Variants in VEZT observed in about 807,000 individuals in gnomAD.
The protein encoded by VEZT is vezatin.
In VEZT, 39 loss-of-function variants were observed where a neutral mutation model predicts 79.9. The ratio of observed to expected loss-of-function variants is 0.49; its 90% CI spans 0.38 to 0.64. The LOEUF is 0.64. Among genes scored for constraint, VEZT ranks in the 30% least tolerant of loss-of-function variants. VEZT has a pLI of 0.00. For missense variants in VEZT, 837 were observed against 893.1 expected, an observed-to-expected ratio of 0.94 and a Z score of 0.80; for synonymous variants, 325 against 327.6, an observed-to-expected ratio of 0.99 and a Z score of 0.09.
chr12:95,251,093 C>G (rs2062530710), intron 1 of VEZT, among the ~76,000 whole-genome samples: 1 of 152,142 alleles, frequency 6.6e-6, no homozygotes, highest in Admixed American at 6.5e-5. Context: ...TCACTGCAAC[C>G]TTTGCCTCCT....
At chr12:95,252,345 AT>A (rs1264957841) in intron 2 of VEZT, 2 of 230,762 alleles carry the variant, frequency 8.7e-6, no homozygotes, top group Admixed American at 1.1e-4. Context: ...ATCGAAAAAA[AT>A]ATACTAAAAC....
chr12:95,271,116 CTAATGGATGAAGTTGTG>C (rs2138790325), intron 6 of VEZT, among the ~76,000 whole-genome samples: 1 of 152,304 alleles, frequency 6.6e-6, no homozygotes, highest in South Asian at 2.1e-4. Context: ...CATACAACTA[CTAATGGATGAAGTTGTG>C]TCTTGACTGT....
intron 1 of VEZT, 68 bp from the exon 2 acceptor site, chr12:95,251,872 A>C (rs898560084): frequency 4.7e-6 from 7 of 1,492,784 alleles, no homozygotes; most frequent in Non-Finnish European, 5.5e-6. Flanking sequence ...TCTGGTATTA[A>C]GTTTGGCCCC....
chr12:95,250,747 A>AT (rs3080327), intron 1 of VEZT, among the ~76,000 whole-genome samples: 63,566 of 142,774 alleles, frequency 0.45, 14,219 homozygotes, highest in Non-Finnish European at 0.49. Flanking sequence ...GGTTGGGGTG[A>AT]TTTTTTTTTT....
intron 2 of VEZT, among the ~76,000 whole-genome samples, chr12:95,254,267 A>G (rs1305804831): frequency 1.4e-5 from 2 of 146,390 alleles, no homozygotes; most frequent in African/African-American, 5.0e-5. Context: ...GTGAGCCACC[A>G]CACCCAGCCA....
chr12:95,245,145 A>T (rs193103233), intron 1 of VEZT, among the ~76,000 whole-genome samples: 17 of 152,304 alleles, frequency 1.1e-4, no homozygotes, highest in Admixed American at 1.1e-3. Context: ...GAAGCAGGAG[A>T]ATCACTTGAA....
At chr12:95,244,778 G>GTT (rs57362837) in intron 1 of VEZT, among the ~76,000 whole-genome samples, 16,320 of 140,842 alleles carry the variant, frequency 0.12, 1,287 homozygotes, top group African/African-American at 0.24. Context: ...TTTTTGGTGT[G>GTT]TTTTTTTTTT....
At chr12:95,287,505 G>T (rs1043654092) in intron 8 of VEZT, among the ~76,000 whole-genome samples, 159 bp from the exon 9 acceptor site, 1 of 152,066 alleles carries the variant, frequency 6.6e-6, no homozygotes, top group African/African-American at 2.4e-5. Context: ...GTTTCACCAT[G>T]TTGCCCAAGC....
chr12:95,300,542 T>C lies in VEZT; in HGVS notation c.2209T>C (p.Phe737Leu). Residue 737 changes from phenylalanine (F) to leucine (L), a missense_variant, in exon 12 of 12, where the codon TTC (phenylalanine) becomes CTC (leucine). Phe to Leu is a conservative substitution (Grantham distance 22). Coordinates refer to ENST00000436874, the MANE Select transcript of VEZT (RefSeq NM_017599.4). ...ARLQLSPDFT[F>L]TAGLAAEVAA... ...GCTACAGCTGTCACCAGATTTTACCTTCACTGCTGGCCTTGCTGCAGAAGT... is the reference window on the plus strand; with the variant it reads ...GCTACAGCTGTCACCAGATTTTACCCTCACTGCTGGCCTTGCTGCAGAAGT... 1 of 1,613,910 alleles carries C rather than the reference T, an allele frequency of 6.2e-7. No individual in the cohort carries two copies.
chr12:95,275,280 A>T (rs933292692), intron 7 of VEZT, among the ~76,000 whole-genome samples: 4 of 152,182 alleles, frequency 2.6e-5, no homozygotes, highest in Non-Finnish European at 5.9e-5. Context: ...ACATGAAAGG[A>T]TACATTTAGC....
chr12:95,244,001 A>G (rs1296216068), intron 1 of VEZT: 2 of 456,074 alleles, frequency 4.4e-6, no homozygotes, highest in South Asian at 3.1e-5. Flanking sequence ...CTGCAGAACT[A>G]TGAGCTAAGT....
chr12:95,230,595 AT>A (rs2059148170), intron 1 of VEZT, among the ~76,000 whole-genome samples: 1 of 126,322 alleles, frequency 7.9e-6, no homozygotes, highest in Non-Finnish European at 1.7e-5. Flanking sequence ...TTTTTTATTT[AT>A]TTTGGGATAA....
chr12:95,258,297 T>C (rs1045032820), intron 3 of VEZT: 1 of 455,638 alleles, frequency 2.2e-6, no homozygotes, highest in East Asian at 6.9e-5. Flanking sequence ...GGTATATGGA[T>C]CCATATACAT....
intron 1 of VEZT, among the ~76,000 whole-genome samples, chr12:95,231,193 A>T (rs2059228633): frequency 6.6e-6 from 1 of 152,196 alleles, no homozygotes; most frequent in Non-Finnish European, 1.5e-5. Flanking sequence ...TATGTGTCTT[A>T]CTTTTTCTTG....
At chr12:95,297,805 G>A (rs2074475761) in intron 11 of VEZT, among the ~76,000 whole-genome samples, 1 of 152,052 alleles carries the variant, frequency 6.6e-6, no homozygotes, top group African/African-American at 2.4e-5. Flanking sequence ...GTTCACAAAT[G>A]TGTTATTTTT....
intron 8 of VEZT, among the ~76,000 whole-genome samples, chr12:95,284,063 A>G (rs79982444): frequency 2.8e-4 from 42 of 152,342 alleles, no homozygotes; most frequent in African/African-American, 1.0e-3. Context: ...AAAGAGTGCT[A>G]CACAAGGTAG....
chr12:95,231,779 G>A (rs527550881), intron 1 of VEZT, among the ~76,000 whole-genome samples: 5 of 152,190 alleles, frequency 3.3e-5, no homozygotes, highest in Admixed American at 6.5e-5. Flanking sequence ...ATAAAGGCAC[G>A]AAGTAGTTAA....
At chr12:95,237,527 T>C (rs2060359460) in intron 1 of VEZT, among the ~76,000 whole-genome samples, 1 of 152,192 alleles carries the variant, frequency 6.6e-6, no homozygotes, top group African/African-American at 2.4e-5. Flanking sequence ...TTAAACTTGC[T>C]GTAACCTCAG....
At chr12:95,278,552 A>G (rs2068273224) in intron 7 of VEZT, among the ~76,000 whole-genome samples, 1 of 152,214 alleles carries the variant, frequency 6.6e-6, no homozygotes. Context: ...ATCGTTATTC[A>G]GATAAGAAAT....
Sources: allele counts gnomAD v4.1 joint callset (sites outside exome capture counted in the v4.1 genomes callset), GRCh38; gene constraint gnomAD v4.1.1; transcripts MANE v1.5; gene names NCBI Gene and HGNC (gene_info 2026-07-23, HGNC 2026-07-21).